Variants in ST13 observed in about 807,000 individuals in gnomAD.
ST13 encodes the protein hsc70-interacting protein.
In ST13, 23 loss-of-function variants were observed where a neutral mutation model predicts 56.7. The observed-to-expected ratio is 0.41, with a 90% CI of 0.29 to 0.57. ST13 has a LOEUF of 0.57. Among genes scored for constraint, ST13 ranks in the 20% least tolerant of loss-of-function variants. The pLI is 0.36. For synonymous variants in ST13, 132 were observed against 142.4 expected (o/e 0.93, Z 0.52); for missense variants, 369 against 459.9 (o/e 0.80, Z 1.81).
chr22:40,840,772 C>A (rs985618317), intron 4 of ST13, 80 bp from the exon 5 acceptor site: 2 of 1,180,238 alleles, frequency 1.7e-6, no homozygotes, highest in Non-Finnish European at 2.5e-6. Context: ...AGGGATGAGG[C>A]GCAGTCACAA....
At chr22:40,839,859 T>C (rs1602655898) in intron 5 of ST13, among the ~76,000 whole-genome samples, 1 of 150,836 alleles carries the variant, frequency 6.6e-6, no homozygotes, top group East Asian at 2.0e-4. Flanking sequence ...TAAATATATA[T>C]AAAAAAAGAG....
At chr22:40,833,431 G>C (rs1320071060) in intron 7 of ST13, among the ~76,000 whole-genome samples, 1 of 151,906 alleles carries the variant, frequency 6.6e-6, no homozygotes, top group Non-Finnish European at 1.5e-5. Flanking sequence ...CAGGCGCGGT[G>C]GCAGGCGCCT....
rs1421220681 is a variant in ST13, at chr22:40,856,522, T to C, written c.19A>G (p.Asn7Asp). ...ATTTTCACAAAGGCCCGAAGCTCGT[T>C]CACTTTGCGGGGGTCCATGGTAGGG... MDPRKV[N>D]ELRAFVKMCK... The change falls in exon 1 of 12, where the codon AAC becomes GAC. Residue 7 changes from asparagine (N) to aspartate (D), a missense_variant. Coordinates refer to ENST00000216218, the MANE Select transcript of ST13 (RefSeq NM_003932.5). 1.2e-6 allele frequency: 2 copies of C among 1,612,658 alleles called. No homozygotes were observed. The highest frequency in any genetic ancestry group is 1.7e-5 in the Admixed American group (1 of 60,016).
chr22:40,840,380 T>C (rs2057797682), intron 5 of ST13, among the ~76,000 whole-genome samples: 1 of 151,638 alleles, frequency 6.6e-6, no homozygotes, highest in African/African-American at 2.4e-5. Context: ...TAAAGCCTCT[T>C]CTCAGCAGAA....
intron 7 of ST13, among the ~76,000 whole-genome samples, chr22:40,833,819 T>C (rs986950494): frequency 6.6e-5 from 10 of 151,844 alleles, no homozygotes; most frequent in African/African-American, 2.2e-4. Context: ...TGAGCCAAGA[T>C]TGCACCACTT....
At position 40,826,600 on chromosome 22, in the gene ST13, T is replaced by C; in HGVS notation, c.1048A>G (p.Ser350Gly). ...QNPANMSKYQ[S>G]NPKVMNLISK... ...ATGAGATTCATAACCTTTGGGTTGC[T>C]CTGGTATTTTGACATATTTGCTGGG... The change falls in exon 12 of 12, where the codon AGC becomes GGC. Residue 350 changes from serine (S) to glycine (G), a missense_variant. Ser to Gly is a moderately conservative substitution (Grantham distance 56, BLOSUM62 0). Transcript: ENST00000216218. 1.2e-6 allele frequency: 2 copies of C among 1,604,668 alleles called. No homozygotes were observed. The highest frequency in any genetic ancestry group is 1.7e-6 in the Non-Finnish European group (2 of 1,179,744).
Position 40,826,496 on chromosome 22 carries a change from G to C in ST13, c.*42C>G, listed in dbSNP as rs761288465. 6.3e-5 allele frequency: 101 copies of C among 1,592,286 alleles called. No individual in the cohort carries two copies. Among genetic ancestry groups the C allele is most frequent in the Non-Finnish European group, 8.5e-5 (100 of 1,176,646 alleles). Reference sequence around the variant, plus strand: ...TTGCGACATCCATAAGGTGATCTAGGTTGCTTTTCCTTCAGCAAGGGCTTT... The same window carrying C: ...TTGCGACATCCATAAGGTGATCTAGCTTGCTTTTCCTTCAGCAAGGGCTTT... On this transcript the variant is annotated 3_prime_UTR_variant, in exon 12 of 12. Coordinates refer to ENST00000216218, the MANE Select transcript of ST13 (RefSeq NM_003932.5).
intron 3 of ST13, among the ~76,000 whole-genome samples, chr22:40,846,756 G>T (rs767680812): frequency 2.0e-5 from 3 of 152,144 alleles, no homozygotes; most frequent in Non-Finnish European, 4.4e-5. Flanking sequence ...ACTCTGGGAG[G>T]CCAAGACGGG....
chr22:40,850,239 C>CACAGTGAGACTTTGTCTCAGG (rs1304582992), intron 2 of ST13, among the ~76,000 whole-genome samples: 4 of 152,202 alleles, frequency 2.6e-5, no homozygotes, highest in Admixed American at 6.5e-5. Context: ...ACCTGGGTGA[C>CACAGTGAGACTTTGTCTCAGG]ACAGTGAGAC....
intron 1 of ST13, among the ~76,000 whole-genome samples, chr22:40,853,699 T>C (rs2057873482): frequency 6.6e-6 from 1 of 152,218 alleles, no homozygotes; most frequent in Non-Finnish European, 1.5e-5. Flanking sequence ...ACACTCTAAA[T>C]TCTATATTGA....
chr22:40,851,789 A>G (rs1382709922), intron 1 of ST13, among the ~76,000 whole-genome samples: 2 of 150,058 alleles, frequency 1.3e-5, no homozygotes, highest in Non-Finnish European at 3.0e-5. Context: ...TCTGTCACCC[A>G]GGCTGGAGTG....
chr22:40,831,638 T>C (rs999775749), intron 8 of ST13, among the ~76,000 whole-genome samples: 3 of 152,146 alleles, frequency 2.0e-5, no homozygotes, highest in African/African-American at 7.2e-5. Flanking sequence ...GAAAACCAAA[T>C]GAACTCTCTG....
chr22:40,844,753 T>C (rs1405665006), intron 4 of ST13, 86 bp downstream of exon 4: 10 of 1,166,850 alleles, frequency 8.6e-6, no homozygotes, highest in Admixed American at 6.4e-5. Flanking sequence ...GCGCTTTTCC[T>C]GGAAGAATCG....
At chr22:40,836,380 G>A (rs1204111479) in intron 5 of ST13, among the ~76,000 whole-genome samples, 1 of 152,010 alleles carries the variant, frequency 6.6e-6, no homozygotes, top group Non-Finnish European at 1.5e-5. Flanking sequence ...GGGAGGCGGA[G>A]CTTCCAGTGA....
At chr22:40,851,600 G>A (rs542199093) in intron 1 of ST13, among the ~76,000 whole-genome samples, 5 of 152,280 alleles carry the variant, frequency 3.3e-5, no homozygotes, top group African/African-American at 9.6e-5. Flanking sequence ...CAACAATCCA[G>A]TGACTAAAAT....
At chr22:40,848,480 C>T (rs563086045) in intron 2 of ST13, 111 bp from the exon 3 acceptor site, 1 of 763,102 alleles carries the variant, frequency 1.3e-6, no homozygotes, top group Admixed American at 2.1e-5. Context: ...GGCATGGCGG[C>T]TCATGCCTGG....
chr22:40,855,341 T>A (rs1477563900), intron 1 of ST13, among the ~76,000 whole-genome samples: 1 of 152,158 alleles, frequency 6.6e-6, no homozygotes, highest in East Asian at 1.9e-4. Context: ...GCTAGCCACC[T>A]GGGAGACTGA....
chr22:40,846,997 CA>C (rs903394925), intron 3 of ST13, among the ~76,000 whole-genome samples: 3 of 150,770 alleles, frequency 2.0e-5, no homozygotes, highest in Non-Finnish European at 4.4e-5. Context: ...TCAAGTCTTC[CA>C]AAAAAACCCC....
intron 5 of ST13, among the ~76,000 whole-genome samples, chr22:40,836,973 ACCTGG>A (rs2057780364): frequency 5.9e-5 from 9 of 152,076 alleles, no homozygotes; most frequent in Non-Finnish European, 1.3e-4. Flanking sequence ...ACAACACTAA[ACCTGG>A]CTAATTAAAA....
Sources: gnomAD v4.1 joint callset for allele counts (sites outside exome capture counted in the v4.1 genomes callset) on GRCh38, gnomAD v4.1.1 for gene constraint, MANE v1.5 for transcripts, NCBI Gene and HGNC (gene_info 2026-07-23, HGNC 2026-07-21) for gene names.